The following LINGO2 variants were observed in gnomAD, a reference collection of about 807,000 sequenced individuals.
LINGO2 encodes leucine-rich repeat and immunoglobulin-like domain-containing nogo receptor-interacting protein 2.
Under a neutral mutation model 30.6 loss-of-function variants are expected in LINGO2, and 14 were observed. That is an observed-to-expected ratio of 0.46 (90% CI 0.30 to 0.72). The LOEUF (loss-of-function observed/expected upper bound fraction) is 0.72. LINGO2 is among the 30% of genes least tolerant of loss of function. The pLI, the probability that LINGO2 is intolerant of heterozygous loss-of-function variation, is 0.07. For missense variants in LINGO2, 729 were observed against 751.7 expected, an observed-to-expected ratio of 0.97 and a Z score of 0.35; for synonymous variants, 317 against 288.5, an observed-to-expected ratio of 1.10 and a Z score of -1.00.
At chr9:29,079,587 C>T in the LINGO2 span, among the ~76,000 whole-genome samples, 1 of 151,716 alleles carries the variant, frequency 6.6e-6, no homozygotes, top group African/African-American at 2.4e-5. Context: ...GGTGAGAAGC[C>T]TATGGAAAAT....
the LINGO2 span, among the ~76,000 whole-genome samples, chr9:28,697,410 T>G: frequency 3.3e-5 from 5 of 152,006 alleles, no homozygotes; most frequent in African/African-American, 1.2e-4. Flanking sequence ...AAACCGACTA[T>G]ATATTTTTTA....
chr9:29,065,249 T>C, the LINGO2 span, among the ~76,000 whole-genome samples: 7 of 152,292 alleles, frequency 4.6e-5, no homozygotes, highest in East Asian at 1.4e-3. Context: ...TATTTTATTT[T>C]GCTGTGTAGA....
intron 4 of LINGO2, among the ~76,000 whole-genome samples, chr9:28,253,521 C>T (rs1822278356): frequency 6.6e-6 from 1 of 152,104 alleles, no homozygotes; most frequent in African/African-American, 2.4e-5. Context: ...CAGCAGTAAG[C>T]TAAATGATTC....
At chr9:28,181,496 G>T (rs1261257706) in intron 4 of LINGO2, among the ~76,000 whole-genome samples, 1 of 152,126 alleles carries the variant, frequency 6.6e-6, no homozygotes, top group Non-Finnish European at 1.5e-5. Context: ...TCCCATCCTA[G>T]GTACAGTGAA....
At chr9:28,066,358 G>T (rs559254814) in intron 4 of LINGO2, among the ~76,000 whole-genome samples, 12 of 152,232 alleles carry the variant, frequency 7.9e-5, no homozygotes, top group African/African-American at 2.2e-4. Flanking sequence ...TTATTTGTCT[G>T]CTTAGCATGA....
intron 2 of LINGO2, among the ~76,000 whole-genome samples, chr9:28,441,345 T>A (rs191489345): frequency 7.1e-6 from 1 of 139,944 alleles, no homozygotes; most frequent in African/African-American, 2.6e-5. Context: ...AACTTTCAGT[T>A]AAATACAGAA....
chr9:28,318,670 C>T (rs1050703814), intron 3 of LINGO2, among the ~76,000 whole-genome samples: 4 of 152,120 alleles, frequency 2.6e-5, no homozygotes, highest in African/African-American at 9.7e-5. Context: ...GACAAGAATT[C>T]CGCCTGGCAT....
At chr9:29,073,622 A>G in the LINGO2 span, among the ~76,000 whole-genome samples, 6 of 152,214 alleles carry the variant, frequency 3.9e-5, no homozygotes, top group African/African-American at 1.4e-4. Context: ...GACTGCTTTT[A>G]AACTATAACA....
the LINGO2 span, among the ~76,000 whole-genome samples, chr9:29,106,722 T>C: frequency 6.6e-5 from 10 of 152,330 alleles, no homozygotes; most frequent in Admixed American, 6.5e-4. Context: ...GCCCCTGTGA[T>C]GTCATATATC....
rs117044457 is a variant in LINGO2 at position 28,085,665 on chromosome 9, C to T, written c.-86-73260G>A. ...TCCCTATAATATAGAAATATTCCAG[C>T]GATCCCAGAGAATGAGGCATGGAAA... On this transcript the variant is annotated intron_variant, in intron 4 of 5. Transcript: ENST00000379992. Among the ~76,000 whole-genome samples the T allele has an allele frequency of 2.6e-3, 397 of 152,042 alleles. 7 individuals are homozygous for T. In the South Asian group the frequency reaches 0.044, roughly 17 times the overall value.
At chr9:28,714,400 A>G in the LINGO2 span, among the ~76,000 whole-genome samples, 4 of 151,874 alleles carry the variant, frequency 2.6e-5, no homozygotes, top group African/African-American at 9.7e-5. Context: ...TTGAAGCCAG[A>G]GATTTTGCAC....
chr9:28,053,052 A>T (rs59417160), intron 4 of LINGO2, among the ~76,000 whole-genome samples: 8,931 of 152,218 alleles, frequency 0.059, 364 homozygotes, highest in South Asian at 0.17. Context: ...TAATCCAGAG[A>T]GTAATACAAA....
rs140692791 is a variant in LINGO2, at chr9:28,639,813, T to C, written c.-365+30387A>G. On this transcript the variant is annotated intron_variant, in intron 1 of 5. Transcript: ENST00000379992. ...TGTCTTTTAATTGGAGCATTTAGCC[T>C]ATTTACATTTAAGGTTAATATGGTT... Among the ~76,000 whole-genome samples, 1,270 of 152,196 alleles carry C rather than the reference T, an allele frequency of 8.3e-3. 28 individuals carry two copies. The highest frequency in any genetic ancestry group is 0.036 in the East Asian group (188 of 5,172).
chr9:28,684,940 C>A, the LINGO2 span, among the ~76,000 whole-genome samples: 2 of 152,082 alleles, frequency 1.3e-5, no homozygotes, highest in Non-Finnish European at 2.9e-5. Context: ...AGGGAATATG[C>A]ATAACACGTG....
the LINGO2 span, among the ~76,000 whole-genome samples, chr9:29,192,385 G>A: frequency 6.6e-6 from 1 of 152,030 alleles, no homozygotes; most frequent in Non-Finnish European, 1.5e-5. Context: ...CTTTTGTAAA[G>A]CTCAACACTA....
At chr9:28,788,415 C>T in the LINGO2 span, among the ~76,000 whole-genome samples, 3 of 152,150 alleles carry the variant, frequency 2.0e-5, no homozygotes, top group Non-Finnish European at 4.4e-5. Context: ...GAAATACATA[C>T]ATCAATAGGT....
the LINGO2 span, among the ~76,000 whole-genome samples, chr9:29,128,201 AAGATT>A: frequency 1.3e-5 from 2 of 152,138 alleles, no homozygotes; most frequent in Non-Finnish European, 2.9e-5. Context: ...CTAACACACT[AAGATT>A]AGACACCAAA....
chr9:28,720,058 A>G, the LINGO2 span, among the ~76,000 whole-genome samples: 1 of 152,038 alleles, frequency 6.6e-6, no homozygotes, highest in African/African-American at 2.4e-5. Context: ...CATCTTTCAC[A>G]TTGTAGCTGA....
chr9:29,138,765 T>C, the LINGO2 span, among the ~76,000 whole-genome samples: 2 of 152,270 alleles, frequency 1.3e-5, no homozygotes, highest in African/African-American at 4.8e-5. Flanking sequence ...ATACGAACTT[T>C]GCAATAGCAC....
Sources: gnomAD v4.1 joint callset for allele counts (sites outside exome capture counted in the v4.1 genomes callset) on GRCh38, gnomAD v4.1.1 for gene constraint, MANE v1.5 for transcripts, NCBI Gene and HGNC (gene_info 2026-07-23, HGNC 2026-07-21) for gene names.